Variants in LTN1 observed in about 807,000 individuals in gnomAD.
LTN1 encodes the protein E3 ubiquitin-protein ligase listerin.
A neutral mutation model predicts 201.2 loss-of-function variants in LTN1; 88 were observed. The observed-to-expected ratio is 0.44, with a 90% confidence interval of 0.37 to 0.52. The LOEUF is 0.52. LTN1 is among the 20% of genes least tolerant of loss of function. The pLI is 0.00. For missense variants in LTN1, 1,752 were observed against 2,038.7 expected (o/e 0.86, Z 2.71); for synonymous variants, 645 against 713.5 (o/e 0.90, Z 1.53).
intron 11 of LTN1, 71 bp downstream of exon 11, chr21:28,965,794 T>C: frequency 3.5e-6 from 3 of 846,370 alleles, no homozygotes; most frequent in Non-Finnish European, 5.5e-6. Context: ...ATTGTGTAAA[T>C]AGGACTACGG....
At chr21:28,973,434 A>C (rs1195332589) in intron 6 of LTN1, among the ~76,000 whole-genome samples, 1 of 151,908 alleles carries the variant, frequency 6.6e-6, no homozygotes, top group African/African-American at 2.4e-5. Context: ...ATGTAAACAA[A>C]GATTGAGAGT....
intron 23 of LTN1, 42 bp from the exon 24 acceptor site, chr21:28,943,378 T>C (rs1217235072): frequency 8.2e-7 from 1 of 1,215,570 alleles, no homozygotes; most frequent in South Asian, 1.3e-5. Context: ...GATATTAAAC[T>C]GTTTATTAAG....
Position 28,981,104 on chromosome 21 carries a change from A to G in LTN1, c.810+15T>C. On this transcript the variant is annotated intron_variant, in intron 6 of 29. Coordinates refer to ENST00000361371, the MANE Select transcript of LTN1 (RefSeq NM_015565.3). The stretch of plus-strand genomic sequence containing the variant: ...GAATCAGAGAAATGTCTTAAGATAA[A>G]AAAGATTAATATACCTGAGGTACAC... The G allele has an allele frequency of 6.8e-7, 1 of 1,462,628 alleles. No homozygotes were observed. Among genetic ancestry groups the G allele is most frequent in the Non-Finnish European group, 9.1e-7 (1 of 1,096,108 alleles). 90.6% of individuals were successfully genotyped at this position (1,462,628 alleles called of 1,614,324 possible).
chr21:28,930,631 T>A (rs1473718557), intron 29 of LTN1, 121 bp from the exon 30 acceptor site: 9 of 591,540 alleles, frequency 1.5e-5, no homozygotes, highest in Middle Eastern at 4.7e-4. Flanking sequence ...GGAAGAACAA[T>A]AAAATTTTTG....
chr21:28,955,065 GAACTCAAAC>G (rs1203191588), intron 16 of LTN1, among the ~76,000 whole-genome samples: 2 of 151,802 alleles, frequency 1.3e-5, no homozygotes, highest in African/African-American at 4.8e-5. Context: ...AATATATAAG[GAACTCAAAC>G]AACTCAACGG....
Position 28,992,746 on chromosome 21 carries a change from G to A in LTN1, c.42+18C>T, listed in dbSNP as rs1291602407. 10 of 1,613,782 alleles carry A rather than the reference G, an allele frequency of 6.2e-6. No homozygotes were observed. The East Asian group carries it at 1.6e-4, about 25-fold the overall frequency. Reference sequence around the variant, plus strand: ...TCGAAGCGAGGCTCCCGGGTCGGCCGAGCCAGCCCCCGCTCACCCTCAGGT... The same window carrying A: ...TCGAAGCGAGGCTCCCGGGTCGGCCAAGCCAGCCCCCGCTCACCCTCAGGT... On this transcript the variant is annotated intron_variant, in intron 1 of 29. Coordinates refer to ENST00000361371, the MANE Select transcript of LTN1 (RefSeq NM_015565.3).
chr21:28,947,745 G>T (rs2084349755), intron 18 of LTN1, 139 bp from the exon 19 acceptor site: 5 of 533,042 alleles, frequency 9.4e-6, no homozygotes, highest in Non-Finnish European at 1.5e-5. Flanking sequence ...AACTATGATA[G>T]ATTTAACAAG....
At chr21:28,967,920 C>A (rs2084540145) in intron 9 of LTN1, 1 of 152,130 alleles carries the variant, frequency 6.6e-6, no homozygotes, top group African/African-American at 2.4e-5. Flanking sequence ...TGACTGCTTG[C>A]TGGGTGGGAG....
intron 13 of LTN1, among the ~76,000 whole-genome samples, chr21:28,958,901 A>G (rs191317843): frequency 6.6e-6 from 1 of 152,062 alleles, no homozygotes; most frequent in East Asian, 1.9e-4. Flanking sequence ...TGATGGGCAG[A>G]AAAAAAAGAG....
chr21:28,988,328 G>A (rs1381819746), intron 1 of LTN1, among the ~76,000 whole-genome samples: 1 of 151,894 alleles, frequency 6.6e-6, no homozygotes, highest in Non-Finnish European at 1.5e-5. Flanking sequence ...TTAGCCAGGC[G>A]TGGTGGCATG....
chr21:28,986,000 A>G, intron 3 of LTN1, 139 bp downstream of exon 3: 1 of 597,722 alleles, frequency 1.7e-6, no homozygotes, highest in Non-Finnish European at 3.0e-6. Flanking sequence ...CTCAAGTGTT[A>G]ACAATTCAAT....
At chr21:28,935,426 C>A in intron 26 of LTN1, 97 bp from the exon 27 acceptor site, 1 of 774,370 alleles carries the variant, frequency 1.3e-6, no homozygotes, top group South Asian at 1.7e-5. Context: ...TCCTTAATTT[C>A]TCAACAATAG....
intron 12 of LTN1, 28 bp from the exon 13 acceptor site, chr21:28,959,725 A>G (rs1224375771): frequency 6.6e-7 from 1 of 1,509,962 alleles, no homozygotes; most frequent in African/African-American, 1.4e-5. Context: ...CAAACAGACA[A>G]AAAATAAAAA....
intron 26 of LTN1, among the ~76,000 whole-genome samples, chr21:28,935,568 C>T (rs936751461): frequency 2.6e-5 from 4 of 152,074 alleles, no homozygotes; most frequent in African/African-American, 9.7e-5. Flanking sequence ...CCGCCGGGCG[C>T]AGTGGCTCAC....
At chr21:28,938,366 G>A (rs916754068) in intron 25 of LTN1, among the ~76,000 whole-genome samples, 2 of 152,068 alleles carry the variant, frequency 1.3e-5, no homozygotes, top group African/African-American at 4.8e-5. Context: ...TAAATACAGA[G>A]AAAGTATGTG....
intron 5 of LTN1, 94 bp from the exon 6 acceptor site, chr21:28,981,393 T>C: frequency 1.5e-6 from 1 of 662,742 alleles, no homozygotes; most frequent in Non-Finnish European, 2.2e-6. Context: ...TCATTAAATA[T>C]CTACCAAAGT....
chr21:28,968,942 C>T (rs900000543), intron 9 of LTN1, among the ~76,000 whole-genome samples: 2 of 150,040 alleles, frequency 1.3e-5, no homozygotes, highest in Non-Finnish European at 3.0e-5. Context: ...TTTTACAGGC[C>T]GGGCGCGGTG....
chr21:28,979,697 C>G (rs745814474), intron 6 of LTN1, among the ~76,000 whole-genome samples: 1 of 152,116 alleles, frequency 6.6e-6, no homozygotes, highest in Admixed American at 6.6e-5. Context: ...AGGCCGGGCA[C>G]GGTGGCTCAC....
rs781577397 is a variant in LTN1, at chr21:28,943,944, A to C, written c.3983-40T>G. 5 of 1,253,684 alleles carry C rather than the reference A, an allele frequency of 4.0e-6. No individual in the cohort carries two copies. The East Asian group carries it at 7.0e-5, about 17-fold the overall frequency. The allele number at this position is 1,253,684 out of a possible 1,614,324, so 77.7% of individuals were successfully genotyped here. A position where few individuals can be genotyped will look rare whatever the true frequency, so the allele number is the denominator to read the frequency against. On this transcript the variant is annotated intron_variant, in intron 22 of 29. Coordinates refer to ENST00000361371, the MANE Select transcript of LTN1 (RefSeq NM_015565.3). ...GAAAGAAACATGCACGTCTCAAAAG[A>C]AAGTTAGTATAGCTTAAATGATTCA...
Sources: allele counts gnomAD v4.1 joint callset (sites outside exome capture counted in the v4.1 genomes callset), GRCh38; gene constraint gnomAD v4.1.1; transcripts MANE v1.5; gene names NCBI Gene and HGNC (gene_info 2026-07-23, HGNC 2026-07-21).